The following PTPRD variants were observed in gnomAD, a reference collection of about 807,000 sequenced individuals.
PTPRD encodes protein tyrosine phosphatase receptor type D.
A neutral mutation model predicts 214.5 loss-of-function variants in PTPRD; 34 were observed. The ratio of observed to expected loss-of-function variants is 0.16; its 90% CI spans 0.12 to 0.21. PTPRD has a LOEUF of 0.21. Among genes scored for constraint, PTPRD ranks in the 10% least tolerant of loss-of-function variants. The pLI, the probability that PTPRD is intolerant of heterozygous loss-of-function variation, is 1.00. For missense variants in PTPRD, 2,545 were observed against 2,398.7 expected (o/e 1.06, Z -1.27); for synonymous variants, 1,128 against 845.7 (o/e 1.33, Z -5.79).
chr9:9,659,091 C>T (rs1037278118), intron 7 of PTPRD, among the ~76,000 whole-genome samples: 1 of 152,040 alleles, frequency 6.6e-6, no homozygotes, highest in Non-Finnish European at 1.5e-5. Flanking sequence ...TTACAGGATA[C>T]ATAAAAACAG....
chr9:10,202,650 C>A (rs1311123139), intron 3 of PTPRD, among the ~76,000 whole-genome samples: 1 of 113,628 alleles, frequency 8.8e-6, no homozygotes, highest in East Asian at 2.6e-4. Flanking sequence ...CACCTGGATG[C>A]CTACTTATAA....
chr9:10,389,913 C>T (rs1036339022), intron 2 of PTPRD, among the ~76,000 whole-genome samples: 10 of 151,730 alleles, frequency 6.6e-5, no homozygotes, highest in South Asian at 2.1e-4. Context: ...CTTACCATTG[C>T]TGACAAGGGA....
At chr9:9,135,337 T>C (rs1342759929) in intron 10 of PTPRD, among the ~76,000 whole-genome samples, 1 of 152,212 alleles carries the variant, frequency 6.6e-6, no homozygotes, top group Non-Finnish European at 1.5e-5. Context: ...TGTAATCTTT[T>C]GGTTCAGAGA....
intron 10 of PTPRD, among the ~76,000 whole-genome samples, chr9:9,164,949 A>G (rs1274959890): frequency 1.3e-5 from 2 of 151,472 alleles, no homozygotes; most frequent in Admixed American, 6.6e-5. Context: ...GCTACTTGGG[A>G]GGCTGACGTA....
At chr9:10,466,600 G>A (rs1325928021) in intron 2 of PTPRD, among the ~76,000 whole-genome samples, 1 of 119,766 alleles carries the variant, frequency 8.3e-6, no homozygotes, top group Non-Finnish European at 1.6e-5. Context: ...TCCAGCCTGG[G>A]CAACAAGAGC....
intron 32 of PTPRD, among the ~76,000 whole-genome samples, chr9:8,465,138 TG>T (rs1471558466): frequency 1.3e-5 from 2 of 151,928 alleles, no homozygotes; most frequent in African/African-American, 4.8e-5. Flanking sequence ...GAAAGGATGA[TG>T]GAAGGAGATT....
At chr9:9,787,755 C>T (rs2098935961) in intron 5 of PTPRD, among the ~76,000 whole-genome samples, 1 of 146,614 alleles carries the variant, frequency 6.8e-6, no homozygotes, top group Admixed American at 6.8e-5. Flanking sequence ...ATCTGAACAA[C>T]GTATATCAAT....
intron 11 of PTPRD, among the ~76,000 whole-genome samples, chr9:8,741,109 T>C (rs1368926024): frequency 1.3e-5 from 2 of 152,202 alleles, no homozygotes; most frequent in East Asian, 3.8e-4. Context: ...TAAATATTAG[T>C]TATTTTCAAG....
intron 3 of PTPRD, among the ~76,000 whole-genome samples, chr9:10,285,945 T>A (rs1425205314): frequency 6.6e-6 from 1 of 152,112 alleles, no homozygotes; most frequent in Non-Finnish European, 1.5e-5. Flanking sequence ...TAAGCCATAA[T>A]AGGTACCAGA....
intron 34 of PTPRD, among the ~76,000 whole-genome samples, chr9:8,445,483 A>AT (rs142596466): frequency 1.1e-4 from 16 of 151,962 alleles, no homozygotes; most frequent in African/African-American, 2.7e-4. Flanking sequence ...CTGACAGGAT[A>AT]TTTTTTTTCA....
intron 8 of PTPRD, among the ~76,000 whole-genome samples, chr9:9,484,652 A>G (rs1224105605): frequency 6.6e-6 from 1 of 152,132 alleles, no homozygotes; most frequent in African/African-American, 2.4e-5. Flanking sequence ...CAACAACTCT[A>G]TGAGAAAGAC....
At chr9:9,832,025 T>A (rs964752642) in intron 5 of PTPRD, among the ~76,000 whole-genome samples, 1 of 152,122 alleles carries the variant, frequency 6.6e-6, no homozygotes, top group African/African-American at 2.4e-5. Context: ...AATGGAAATG[T>A]TGGAGATGAC....
At chr9:8,701,994 T>C (rs942020552) in intron 12 of PTPRD, among the ~76,000 whole-genome samples, 1 of 152,218 alleles carries the variant, frequency 6.6e-6, no homozygotes, top group African/African-American at 2.4e-5. Context: ...AGTAAATTCA[T>C]TTATACATTT....
intron 10 of PTPRD, among the ~76,000 whole-genome samples, chr9:9,126,302 G>A (rs559054224): frequency 6.6e-6 from 1 of 152,274 alleles, no homozygotes; most frequent in South Asian, 2.1e-4. Context: ...ATAGCCTTTG[G>A]CATTTATCAA....
chr9:10,335,075 A>G (rs2096821914), intron 3 of PTPRD, among the ~76,000 whole-genome samples: 1 of 151,752 alleles, frequency 6.6e-6, no homozygotes, highest in Non-Finnish European at 1.5e-5. Context: ...TATTTTGGAT[A>G]TTGACAAACT....
chr9:8,967,988 G>C (rs997185396), intron 11 of PTPRD, among the ~76,000 whole-genome samples: 9 of 151,996 alleles, frequency 5.9e-5, no homozygotes, highest in Non-Finnish European at 1.2e-4. Context: ...CTACCTATGA[G>C]TGAGAACATG....
intron 11 of PTPRD, among the ~76,000 whole-genome samples, chr9:8,893,315 A>T (rs2098558260): frequency 6.6e-6 from 1 of 152,120 alleles, no homozygotes; most frequent in Non-Finnish European, 1.5e-5. Flanking sequence ...CATTATCAGG[A>T]GACAGAAAGA....
At chr9:10,222,097 C>T (rs1030340475) in intron 3 of PTPRD, among the ~76,000 whole-genome samples, 2 of 151,920 alleles carry the variant, frequency 1.3e-5, no homozygotes, top group Non-Finnish European at 2.9e-5. Flanking sequence ...TCACAGTTTG[C>T]AAAATTGTCT....
chr9:9,418,576 T>C (rs867825049), intron 8 of PTPRD, among the ~76,000 whole-genome samples: 5 of 152,102 alleles, frequency 3.3e-5, no homozygotes, highest in Non-Finnish European at 4.4e-5. Flanking sequence ...AATTTTCTTA[T>C]CTGTAAAATG....
Sources: gnomAD v4.1 joint callset for allele counts (sites outside exome capture counted in the v4.1 genomes callset) on GRCh38, gnomAD v4.1.1 for gene constraint, MANE v1.5 for transcripts, NCBI Gene and HGNC (gene_info 2026-07-23, HGNC 2026-07-21) for gene names.